The following SLC39A11 variants were observed in gnomAD, a reference collection of about 807,000 sequenced individuals.
The protein encoded by SLC39A11 is solute carrier family 39 member 11.
A neutral mutation model predicts 36.1 loss-of-function variants in SLC39A11; 33 were observed. That is an observed-to-expected ratio of 0.91 (90% confidence interval 0.69 to 1.22). The LOEUF (loss-of-function observed/expected upper bound fraction) is 1.22, where lower values mean the gene tolerates loss of function less well. Ranked by LOEUF, SLC39A11 falls within the 50% of genes most tolerant of loss-of-function variation. The probability of loss-of-function intolerance (pLI) is 0.00; values close to 1 mark genes in which losing one functional copy is unlikely to be tolerated. For synonymous variants in SLC39A11, 166 were observed against 170.3 expected, an observed-to-expected ratio of 0.97 and a Z score of 0.20; for missense variants, 432 against 430.3, an observed-to-expected ratio of 1.00 and a Z score of -0.03.
chr17:73,008,329 T>A (rs1307479563), intron 4 of SLC39A11, among the ~76,000 whole-genome samples: 1 of 152,122 alleles, frequency 6.6e-6, no homozygotes, highest in African/African-American at 2.4e-5. Flanking sequence ...ATTCTGGCTA[T>A]TTCCTCTGTA....
intron 5 of SLC39A11, among the ~76,000 whole-genome samples, chr17:72,925,934 A>G (rs1316393400): frequency 6.6e-6 from 1 of 152,230 alleles, no homozygotes; most frequent in Non-Finnish European, 1.5e-5. Flanking sequence ...AACCACTGAG[A>G]TTTGAGGTTT....
intron 5 of SLC39A11, among the ~76,000 whole-genome samples, chr17:72,928,597 A>AG (rs2084195376): frequency 6.6e-6 from 1 of 152,120 alleles, no homozygotes; most frequent in African/African-American, 2.4e-5. Context: ...GTGGCTTTGA[A>AG]GGAAAAAAAA....
At chr17:72,657,236 C>T (rs1040719346) in intron 7 of SLC39A11, among the ~76,000 whole-genome samples, 25 of 151,918 alleles carry the variant, frequency 1.6e-4, no homozygotes, top group Non-Finnish European at 2.8e-4. Context: ...GGTGGGTGCC[C>T]GTAATCCCAG....
chr17:72,692,843 G>C (rs1036908481), intron 7 of SLC39A11, among the ~76,000 whole-genome samples: 5 of 152,216 alleles, frequency 3.3e-5, no homozygotes, highest in African/African-American at 1.2e-4. Context: ...AGAGCATGGA[G>C]CTGAAACCTC....
chr17:73,017,690 G>A (rs1300772614), intron 4 of SLC39A11, among the ~76,000 whole-genome samples: 2 of 152,178 alleles, frequency 1.3e-5, no homozygotes, highest in East Asian at 3.9e-4. Context: ...TCCAGCCTGG[G>A]CAATATAGAC....
intron 6 of SLC39A11, among the ~76,000 whole-genome samples, chr17:72,849,319 A>G (rs2079189533): frequency 6.6e-6 from 1 of 152,242 alleles, no homozygotes; most frequent in African/African-American, 2.4e-5. Flanking sequence ...GATACCCAGT[A>G]TTTATAAAAG....
At chr17:73,034,109 C>A (rs1449607045) in intron 3 of SLC39A11, among the ~76,000 whole-genome samples, 2 of 152,224 alleles carry the variant, frequency 1.3e-5, no homozygotes, top group Non-Finnish European at 2.9e-5. Flanking sequence ...TAATCCACCC[C>A]TTTTCCAGAC....
At chr17:72,946,082 C>G (rs1352795161) in intron 5 of SLC39A11, among the ~76,000 whole-genome samples, 1 of 152,178 alleles carries the variant, frequency 6.6e-6, no homozygotes, top group East Asian at 1.9e-4. Flanking sequence ...GGCCTGTGGC[C>G]TTGTGTTCAG....
intron 5 of SLC39A11, among the ~76,000 whole-genome samples, chr17:72,892,043 T>TC (rs2081774782): frequency 6.8e-6 from 1 of 147,416 alleles, no homozygotes. Flanking sequence ...CTATTTTTTT[T>TC]CCCCAAGGAT....
intron 4 of SLC39A11, among the ~76,000 whole-genome samples, chr17:72,951,368 G>T (rs532693047): frequency 6.6e-6 from 1 of 151,700 alleles, no homozygotes; most frequent in African/African-American, 2.4e-5. Context: ...TCCCTGTAAT[G>T]CTGGAAACTC....
At chr17:72,974,439 A>AG (rs1291438808) in intron 4 of SLC39A11, among the ~76,000 whole-genome samples, 2 of 151,796 alleles carry the variant, frequency 1.3e-5, no homozygotes. Flanking sequence ...ACCAAAAAAA[A>AG]AAAAAAAAAA....
intron 6 of SLC39A11, among the ~76,000 whole-genome samples, chr17:72,825,649 C>T (rs1425219410): frequency 6.6e-6 from 1 of 152,222 alleles, no homozygotes; most frequent in African/African-American, 2.4e-5. Flanking sequence ...AGAGGCTGTA[C>T]CGCGCAGAGC....
chr17:72,741,587 G>T (rs551687868), intron 6 of SLC39A11, among the ~76,000 whole-genome samples: 1 of 152,170 alleles, frequency 6.6e-6, no homozygotes, highest in Non-Finnish European at 1.5e-5. Context: ...TCACAGAGAC[G>T]TTAGGATCTT....
chr17:72,807,681 G>C (rs1000469055), intron 6 of SLC39A11, among the ~76,000 whole-genome samples: 1 of 152,130 alleles, frequency 6.6e-6, no homozygotes, highest in African/African-American at 2.4e-5. Context: ...GGCCTGGAGA[G>C]GAAATGGAAG....
chr17:72,719,927 C>G (rs2073583760), intron 7 of SLC39A11, among the ~76,000 whole-genome samples: 1 of 152,162 alleles, frequency 6.6e-6, no homozygotes, highest in African/African-American at 2.4e-5. Flanking sequence ...CTGTCATCTT[C>G]CTTTTTGCTC....
At chr17:73,012,421 C>T (rs1029107434) in intron 4 of SLC39A11, among the ~76,000 whole-genome samples, 25 of 152,240 alleles carry the variant, frequency 1.6e-4, no homozygotes, top group African/African-American at 5.1e-4. Context: ...ACACCTACTA[C>T]GCAGCCACAA....
chr17:72,673,008 A>C (rs1411094921), intron 7 of SLC39A11, among the ~76,000 whole-genome samples: 1 of 152,186 alleles, frequency 6.6e-6, no homozygotes, highest in Non-Finnish European at 1.5e-5. Context: ...GTTGAGAAAA[A>C]GACTTTATGG....
At chr17:72,751,465 T>A (rs954264839) in intron 6 of SLC39A11, among the ~76,000 whole-genome samples, 1 of 152,246 alleles carries the variant, frequency 6.6e-6, no homozygotes, top group Non-Finnish European at 1.5e-5. Flanking sequence ...TTAATTGTGA[T>A]AAAATGTGAA....
chr17:72,832,292 T>C (rs1202730120), intron 6 of SLC39A11, among the ~76,000 whole-genome samples: 2 of 152,354 alleles, frequency 1.3e-5, no homozygotes, highest in Middle Eastern at 3.4e-3. Context: ...CTAGGTGTTA[T>C]TGGGAGCTTG....
Sources: allele counts gnomAD v4.1 joint callset (sites outside exome capture counted in the v4.1 genomes callset), GRCh38; gene constraint gnomAD v4.1.1; transcripts MANE v1.5; gene names NCBI Gene and HGNC (gene_info 2026-07-23, HGNC 2026-07-21).